The following ALK variants were observed in gnomAD, a reference collection of about 807,000 sequenced individuals.
The protein encoded by ALK is ALK receptor tyrosine kinase, also known as ALK tyrosine kinase receptor.
Under a neutral mutation model 163.1 loss-of-function variants are expected in ALK, and 74 were observed. The observed-to-expected ratio is 0.45, with a 90% CI of 0.38 to 0.55. The LOEUF (loss-of-function observed/expected upper bound fraction) is 0.55, where lower values mean the gene tolerates loss of function less well. Ranked by LOEUF, ALK falls within the 20% of genes least tolerant of loss-of-function variation. The pLI, the probability that ALK is intolerant of heterozygous loss-of-function variation, is 0.00. For synonymous variants in ALK, 960 were observed against 843.2 expected (o/e 1.14, Z -2.40); for missense variants, 2,063 against 2,105.3 (o/e 0.98, Z 0.39).
At chr2:29,366,780 A>G (rs1668518965) in intron 5 of ALK, among the ~76,000 whole-genome samples, 1 of 152,244 alleles carries the variant, frequency 6.6e-6, no homozygotes, top group African/African-American at 2.4e-5. Flanking sequence ...TATCTATCCA[A>G]AAGGGAGGAA....
At chr2:29,421,272 G>A (rs1325537112) in intron 4 of ALK, among the ~76,000 whole-genome samples, 1 of 151,592 alleles carries the variant, frequency 6.6e-6, no homozygotes, top group East Asian at 1.9e-4. Flanking sequence ...TTAGCTCCAA[G>A]TGCCAATGCT....
chr2:29,348,533 A>G (rs1311737903), intron 5 of ALK, among the ~76,000 whole-genome samples: 6 of 152,204 alleles, frequency 3.9e-5, no homozygotes, highest in Non-Finnish European at 5.9e-5. Flanking sequence ...ATACCAATTC[A>G]CAAGGTCAGT....
chr2:29,679,058 A>G (rs1038382895), intron 3 of ALK, among the ~76,000 whole-genome samples: 1 of 151,730 alleles, frequency 6.6e-6, no homozygotes, highest in African/African-American at 2.4e-5. Flanking sequence ...CTGTTGTTTG[A>G]TGCACATACA....
intron 3 of ALK, among the ~76,000 whole-genome samples, chr2:29,548,775 A>C (rs1673636787): frequency 6.6e-6 from 1 of 152,110 alleles, no homozygotes; most frequent in African/African-American, 2.4e-5. Flanking sequence ...TGGGCAACTC[A>C]CTTATTTTCT....
intron 4 of ALK, among the ~76,000 whole-genome samples, chr2:29,518,408 A>G (rs1672727695): frequency 6.6e-6 from 1 of 152,222 alleles, no homozygotes; most frequent in Non-Finnish European, 1.5e-5. Flanking sequence ...AATAGCAAAC[A>G]AGAAAGGCCT....
intron 9 of ALK, among the ~76,000 whole-genome samples, chr2:29,280,195 G>A (rs1293798351): frequency 6.6e-6 from 1 of 152,162 alleles, no homozygotes; most frequent in East Asian, 1.9e-4. Context: ...GACCACTCTG[G>A]GACTGAGGGG....
At chr2:29,443,922 G>A (rs1245786088) in intron 4 of ALK, among the ~76,000 whole-genome samples, 1 of 152,146 alleles carries the variant, frequency 6.6e-6, no homozygotes, top group Non-Finnish European at 1.5e-5. Flanking sequence ...CTTCTGAAGG[G>A]CATTCTGCGT....
intron 6 of ALK, 109 bp from the exon 7 acceptor site, chr2:29,320,991 A>G: frequency 7.4e-7 from 1 of 1,345,974 alleles, no homozygotes; most frequent in South Asian, 1.2e-5. Flanking sequence ...CATTAGTAAT[A>G]TAGCTCCCCA....
chr2:29,574,688 T>C (rs1261092345), intron 3 of ALK, among the ~76,000 whole-genome samples: 1 of 152,246 alleles, frequency 6.6e-6, no homozygotes, highest in Non-Finnish European at 1.5e-5. Flanking sequence ...TAGACTTGCT[T>C]TGAGGCAGGG....
chr2:29,289,855 C>G (rs1051723785), intron 9 of ALK, among the ~76,000 whole-genome samples: 20 of 152,154 alleles, frequency 1.3e-4, no homozygotes, highest in African/African-American at 4.6e-4. Context: ...GGCAACCAGA[C>G]AGGTGCCTGT....
intron 1 of ALK, among the ~76,000 whole-genome samples, chr2:29,831,525 G>A (rs1665419776): frequency 6.6e-6 from 1 of 152,056 alleles, no homozygotes; most frequent in South Asian, 2.1e-4. Context: ...TGTGTGTGCT[G>A]TGTCCCCTCC....
intron 1 of ALK, among the ~76,000 whole-genome samples, chr2:29,787,170 T>C (rs1272536285): frequency 6.6e-6 from 1 of 152,174 alleles, no homozygotes; most frequent in Non-Finnish European, 1.5e-5. Flanking sequence ...ATTTCATACA[T>C]GTTTCACATC....
chr2:29,802,806 C>A (rs1338385937), intron 1 of ALK, among the ~76,000 whole-genome samples: 1 of 141,116 alleles, frequency 7.1e-6, no homozygotes. Flanking sequence ...TTTTGGTTAT[C>A]AGTTGTGGTT....
rs540573456 is a variant in ALK at position 29,302,526 on chromosome 2, A to G, written c.1648-5469T>C. ...AGAGCAAGACTTCGTCTCAAAGAGAAAAAAAAAGAATTAACCTTCTTTCAT... is the reference window on the plus strand; with the variant it reads ...AGAGCAAGACTTCGTCTCAAAGAGAGAAAAAAAGAATTAACCTTCTTTCAT... On this transcript the variant is annotated intron_variant, in intron 8 of 28. Coordinates refer to ENST00000389048, the MANE Select transcript of ALK (RefSeq NM_004304.5). 2.6e-5 allele frequency among the ~76,000 whole-genome samples: 4 copies of G among 152,268 alleles called. No homozygotes were observed. In the East Asian group the frequency reaches 5.8e-4, roughly 22 times the overall value.
At chr2:29,756,656 A>G (rs1188701358) in intron 1 of ALK, among the ~76,000 whole-genome samples, 1 of 151,356 alleles carries the variant, frequency 6.6e-6, no homozygotes, top group Non-Finnish European at 1.5e-5. Flanking sequence ...CCTCCTGAGT[A>G]GTTGGGATTA....
chr2:29,847,046 G>A (rs771685304), intron 1 of ALK, among the ~76,000 whole-genome samples: 6 of 152,190 alleles, frequency 3.9e-5, no homozygotes, highest in South Asian at 2.1e-4. Flanking sequence ...GCAGGGAAAC[G>A]TGAAAGGAGG....
chr2:29,383,924 T>A (rs980127514), intron 4 of ALK, 65 bp from the exon 5 acceptor site: 3 of 1,602,166 alleles, frequency 1.9e-6, no homozygotes, highest in Non-Finnish European at 1.7e-6. Flanking sequence ...AGGCCTAACA[T>A]GTGGACAGGG....
intron 5 of ALK, among the ~76,000 whole-genome samples, chr2:29,376,446 G>C (rs1668754579): frequency 6.6e-6 from 1 of 152,208 alleles, no homozygotes; most frequent in African/African-American, 2.4e-5. Context: ...ATGTGAAGTA[G>C]AATGGAAATG....
intron 3 of ALK, among the ~76,000 whole-genome samples, chr2:29,534,754 T>A (rs139348597): frequency 1.9e-3 from 289 of 152,370 alleles, no homozygotes; most frequent in African/African-American, 6.0e-3. Flanking sequence ...GGGCTCTTTC[T>A]GTGTCACTGC....
Sources: gnomAD v4.1 joint callset for allele counts (sites outside exome capture counted in the v4.1 genomes callset) on GRCh38, gnomAD v4.1.1 for gene constraint, MANE v1.5 for transcripts, NCBI Gene and HGNC (gene_info 2026-07-23, HGNC 2026-07-21) for gene names.